The following ETV1 variants were observed in gnomAD, a reference collection of about 807,000 sequenced individuals.
ETV1 encodes the protein ETS variant transcription factor 1.
In ETV1, 27 loss-of-function variants were observed where a neutral mutation model predicts 62.3. That is an observed-to-expected ratio of 0.43 (90% CI 0.32 to 0.60). ETV1 has a LOEUF of 0.60. Ranked by LOEUF, ETV1 falls within the 20% of genes least tolerant of loss-of-function variation. The probability of loss-of-function intolerance (pLI) is 0.06; values close to 1 mark genes in which losing one functional copy is unlikely to be tolerated. For synonymous variants in ETV1, 222 were observed against 199.6 expected (o/e 1.11, Z -0.94); for missense variants, 605 against 605.8 (o/e 1.00, Z 0.01).
chr7:13,901,205 A>T (rs1782385419), intron 12 of ETV1, among the ~76,000 whole-genome samples: 1 of 152,106 alleles, frequency 6.6e-6, no homozygotes, highest in South Asian at 2.1e-4. Flanking sequence ...GGGTTTCACC[A>T]TGTTGGCCAG....
intron 6 of ETV1, among the ~76,000 whole-genome samples, chr7:13,968,600 C>A (rs979893824): frequency 4.6e-5 from 7 of 151,470 alleles, no homozygotes; most frequent in Admixed American, 2.6e-4. Flanking sequence ...AGAAAGTACA[C>A]CTACTTCCTA....
intron 6 of ETV1, among the ~76,000 whole-genome samples, chr7:13,964,642 T>C (rs1562690324): frequency 6.6e-6 from 1 of 152,130 alleles, no homozygotes; most frequent in Non-Finnish European, 1.5e-5. Context: ...AATATACATT[T>C]GTGCTAGTGA....
chr7:13,927,224 G>A (rs1160710320), intron 9 of ETV1, among the ~76,000 whole-genome samples: 8 of 152,186 alleles, frequency 5.3e-5, no homozygotes, highest in South Asian at 2.1e-4. Flanking sequence ...TGAGGCTGGC[G>A]GATCACTTGA....
At chr7:13,905,197 G>A (rs924511439) in intron 12 of ETV1, among the ~76,000 whole-genome samples, 1 of 151,918 alleles carries the variant, frequency 6.6e-6, no homozygotes, top group African/African-American at 2.4e-5. Context: ...CATCAAATTA[G>A]GGCATATTAT....
intron 8 of ETV1, 103 bp from the exon 9 acceptor site, chr7:13,931,852 C>A (rs1786217465): frequency 1.4e-6 from 2 of 1,380,682 alleles, no homozygotes; most frequent in South Asian, 2.8e-5. Context: ...ATGATACCAG[C>A]TGACCTGAAG....
chr7:13,897,546 C>G (rs1781972384), intron 13 of ETV1, among the ~76,000 whole-genome samples: 1 of 152,166 alleles, frequency 6.6e-6, no homozygotes, highest in South Asian at 2.1e-4. Flanking sequence ...TAGACTACCT[C>G]TCAGTGGCCT....
At chr7:13,896,516 C>G (rs566812114) in intron 13 of ETV1, among the ~76,000 whole-genome samples, 12 of 152,118 alleles carry the variant, frequency 7.9e-5, no homozygotes, top group Non-Finnish European at 1.8e-4. Flanking sequence ...TATTACATAT[C>G]TGAAATGGTA....
At chr7:13,898,882 C>T (rs1782112196) in intron 13 of ETV1, among the ~76,000 whole-genome samples, 1 of 152,230 alleles carries the variant, frequency 6.6e-6, no homozygotes, top group South Asian at 2.1e-4. Flanking sequence ...ACCTGTAGTT[C>T]CAGCTACTCA....
chr7:13,934,240 A>G (rs1391369102), intron 8 of ETV1, among the ~76,000 whole-genome samples: 1 of 152,250 alleles, frequency 6.6e-6, no homozygotes, highest in East Asian at 1.9e-4. Context: ...GAAAAAGATA[A>G]TAGGAAGCAT....
chr7:13,944,276 T>G (rs907934305), intron 6 of ETV1, among the ~76,000 whole-genome samples: 1 of 152,226 alleles, frequency 6.6e-6, no homozygotes, highest in Non-Finnish European at 1.5e-5. Flanking sequence ...AACAGGTATT[T>G]ATTGCTCACA....
chr7:13,931,804 A>G (rs1395432273), intron 8 of ETV1, 55 bp from the exon 9 acceptor site: 1 of 1,592,960 alleles, frequency 6.3e-7, no homozygotes, highest in Non-Finnish European at 8.6e-7. Flanking sequence ...ACATTCTTTA[A>G]AATACGGATA....
chr7:13,897,712 G>C (rs1335963242), intron 13 of ETV1, among the ~76,000 whole-genome samples: 1 of 152,066 alleles, frequency 6.6e-6, no homozygotes, highest in Non-Finnish European at 1.5e-5. Context: ...GATCTTAAAG[G>C]TGAAATGATG....
chr7:13,958,743 T>A, intron 6 of ETV1: 1 of 152,324 alleles, frequency 6.6e-6, no homozygotes. Context: ...ACCTAACTAC[T>A]CTGTGCCTCG....
chr7:13,940,382 AAAAAAAAG>A (rs1278478108), intron 6 of ETV1, among the ~76,000 whole-genome samples: 5 of 151,540 alleles, frequency 3.3e-5, no homozygotes, highest in Admixed American at 2.0e-4. Context: ...GAAAAAAAAG[AAAAAAAAG>A]AAAAAAAAAG....
chr7:13,982,115 A>C (rs1357243877), intron 5 of ETV1, among the ~76,000 whole-genome samples: 1 of 152,126 alleles, frequency 6.6e-6, no homozygotes, highest in Non-Finnish European at 1.5e-5. Flanking sequence ...TTACTGTAAC[A>C]GTAAAGTTTT....
In ETV1 at chr7:13,968,541, C is replaced by A. The variant is rs970082631; in HGVS notation, c.235+8886G>T. Among the ~76,000 whole-genome samples, 4 of 150,984 alleles carry A rather than the reference C, an allele frequency of 2.6e-5. 1 individual carries two copies. The highest frequency in any genetic ancestry group is 6.8e-3 in the Middle Eastern group (2 of 294). On this transcript the variant is annotated intron_variant, in intron 6 of 13. Transcript: ENST00000430479. ...AAGTATTGGCTGCACCTGTCCAATACTTATATTCCGTATACTTACAGTGAG... is the reference window on the plus strand; with the variant it reads ...AAGTATTGGCTGCACCTGTCCAATAATTATATTCCGTATACTTACAGTGAG...
At chr7:13,975,579 AGAAAAG>A (rs1781363176) in intron 6 of ETV1, among the ~76,000 whole-genome samples, 1 of 121,034 alleles carries the variant, frequency 8.3e-6, no homozygotes, top group African/African-American at 2.9e-5. Context: ...AAAAAAAAAA[AGAAAAG>A]AAAAGAAAAA....
chr7:13,964,783 T>C (rs1025976575), intron 6 of ETV1, among the ~76,000 whole-genome samples: 1 of 152,108 alleles, frequency 6.6e-6, no homozygotes, highest in Non-Finnish European at 1.5e-5. Flanking sequence ...AAATCACTAA[T>C]GAGTGAAAGC....
chr7:13,966,628 C>A lies in ETV1; in HGVS notation c.235+10799G>T, dbSNP rs187348357. Among the ~76,000 whole-genome samples the A allele has an allele frequency of 4.6e-5, 7 of 152,182 alleles. No individual in the cohort carries two copies. The East Asian group carries it at 9.7e-4, about 21-fold the overall frequency. On this transcript the variant is annotated intron_variant, in intron 6 of 13. Transcript: ENST00000430479. ...TGCCACTGCACTCCAGACTGGGCGA[C>A]AGAGTGAGACCCTGTCTCAAAAACA...
Sources: gnomAD v4.1 joint callset for allele counts (sites outside exome capture counted in the v4.1 genomes callset) on GRCh38, gnomAD v4.1.1 for gene constraint, MANE v1.5 for transcripts, NCBI Gene and HGNC (gene_info 2026-07-23, HGNC 2026-07-21) for gene names.